ROS1: variants seen among roughly 807,000 people sequenced by gnomAD.
ROS1 encodes the protein proto-oncogene tyrosine-protein kinase ROS.
A neutral mutation model predicts 273.5 loss-of-function variants in ROS1; 263 were observed. The observed-to-expected ratio is 0.96, with a 90% CI of 0.87 to 1.06. The LOEUF is 1.06. Ranked by LOEUF, ROS1 falls within the 50% of genes least tolerant of loss-of-function variation. The probability of loss-of-function intolerance (pLI) is 0.00; values close to 1 mark genes in which losing one functional copy is unlikely to be tolerated. For missense variants in ROS1, 2,833 were observed against 2,751.1 expected (o/e 1.03, Z -0.67); for synonymous variants, 1,008 against 954.1 (o/e 1.06, Z -1.04).
At chr6:117,307,581 T>G (rs1775201374) in intron 42 of ROS1, among the ~76,000 whole-genome samples, 1 of 152,158 alleles carries the variant, frequency 6.6e-6, no homozygotes, top group African/African-American at 2.4e-5. Flanking sequence ...CCCCCCAAAA[T>G]GATTATGAAT....
At chr6:117,371,038 G>T (rs1395066679) in intron 18 of ROS1, among the ~76,000 whole-genome samples, 1 of 152,210 alleles carries the variant, frequency 6.6e-6, no homozygotes, top group Admixed American at 6.5e-5. Flanking sequence ...CACTTTAAAT[G>T]TAAAGACTCA....
chr6:117,301,457 G>T (rs947335947), intron 42 of ROS1: 1 of 198,028 alleles, frequency 5.0e-6, no homozygotes, highest in Non-Finnish European at 1.0e-5. Flanking sequence ...TCCTGTGAGG[G>T]TGATCTGGCT....
intron 35 of ROS1, among the ~76,000 whole-genome samples, chr6:117,323,127 G>A (rs1250478364): frequency 6.6e-6 from 1 of 152,134 alleles, no homozygotes; most frequent in Non-Finnish European, 1.5e-5. Context: ...AACATCAGCT[G>A]TGCAATACTT....
Position 117,356,622 on chromosome 6 carries a change from A to T in ROS1, c.4126+7T>A, listed in dbSNP as rs201671881. ...CAAATATCTGTGCACATACATCAGC[A>T]TCTTACCGAGCATAGCAGGTACTGT... On this transcript the variant is annotated splice_region_variant and intron_variant, in intron 26 of 43. Transcript: ENST00000368507. 1.4e-5 allele frequency: 22 copies of T among 1,606,482 alleles called. No individual in the cohort carries two copies. The East Asian group carries it at 4.0e-4, about 29-fold the overall frequency.
chr6:117,350,026 G>C (rs957652316), intron 27 of ROS1, among the ~76,000 whole-genome samples: 2 of 151,516 alleles, frequency 1.3e-5, no homozygotes, highest in African/African-American at 4.9e-5. Context: ...TTATCCATTA[G>C]GTCAGTTAAG....
At chr6:117,324,477 T>G in intron 34 of ROS1, 62 bp from the exon 35 acceptor site, 1 of 774,960 alleles carries the variant, frequency 1.3e-6, no homozygotes, top group East Asian at 2.7e-5. Flanking sequence ...GCCCCAGCTC[T>G]ACCTAAGCAC....
At chr6:117,294,620 A>G (rs1011940769) in intron 43 of ROS1, among the ~76,000 whole-genome samples, 3 of 152,204 alleles carry the variant, frequency 2.0e-5, no homozygotes, top group Non-Finnish European at 4.4e-5. Flanking sequence ...AAGTTTCAGG[A>G]TACAAAATTA....
At chr6:117,321,207 T>C (rs2128562962) in intron 36 of ROS1, 52 bp downstream of exon 36, 2 of 1,591,576 alleles carry the variant, frequency 1.3e-6, no homozygotes, top group Non-Finnish European at 1.7e-6. Context: ...CTCTCCTTAC[T>C]GTTGCCCACC....
chr6:117,387,659 C>T (rs1348115930), intron 14 of ROS1, 121 bp downstream of exon 14: 1 of 956,422 alleles, frequency 1.0e-6, no homozygotes, highest in Non-Finnish European at 1.6e-6. Context: ...CAAACACATA[C>T]TCAAGAGGTC....
In ROS1 at chr6:117,419,750, T is replaced by C. The variant is rs532401115; in HGVS notation, c.124-1244A>G. Among the ~76,000 whole-genome samples the C allele has an allele frequency of 2.6e-5, 4 of 152,298 alleles. No homozygotes were observed. In the East Asian group the frequency reaches 7.7e-4, roughly 29 times the overall value. On this transcript the variant is annotated intron_variant, in intron 1 of 43. Transcript: ENST00000368507. ...GGGTGGATGCTGGGTAGTCTTTGTG[T>C]TCCATTTTAAACAGTAGGAGAGCAG...
chr6:117,399,054 C>T (rs1252158761), intron 7 of ROS1, among the ~76,000 whole-genome samples: 3 of 150,838 alleles, frequency 2.0e-5, no homozygotes, highest in Non-Finnish European at 2.9e-5. Flanking sequence ...AGGCAATTAA[C>T]ACAATACAGA....
chr6:117,404,256 A>G (rs780076590), intron 6 of ROS1, 24 bp downstream of exon 6: 16 of 1,605,422 alleles, frequency 1.0e-5, no homozygotes, highest in African/African-American at 1.3e-5. Flanking sequence ...GTCTGGGTTG[A>G]GGTACAAAGG....
At position 117,366,372 on chromosome 6, in the gene ROS1, G is replaced by A. The variant is rs540478481; in HGVS notation, c.2583-82C>T. On this transcript the variant is annotated intron_variant, in intron 18 of 43. Coordinates refer to ENST00000368507, the MANE Select transcript of ROS1 (RefSeq NM_001378902.1). ...CATGCAAGTAGTCATGAGAATATAT[G>A]TTTGTGAGTATCTGTACGCATTTGT... 129 of 906,004 alleles carry A rather than the reference G, an allele frequency of 1.4e-4. 1 individual carries two copies. In the African/African-American group the frequency reaches 1.9e-3, roughly 13 times the overall value. 56.1% of individuals were successfully genotyped at this position (906,004 alleles called of 1,614,324 possible).
chr6:117,395,399 C>A (rs1410118586), intron 9 of ROS1, among the ~76,000 whole-genome samples: 3 of 152,114 alleles, frequency 2.0e-5, no homozygotes, highest in Admixed American at 2.0e-4. Flanking sequence ...AGTCTAGGAA[C>A]AGCCAAAAAA....
chr6:117,327,498 A>C (rs1459639753), intron 33 of ROS1, among the ~76,000 whole-genome samples: 1 of 152,216 alleles, frequency 6.6e-6, no homozygotes, highest in Non-Finnish European at 1.5e-5. Flanking sequence ...AAGAATTCTG[A>C]TGTTGGTTGA....
intron 42 of ROS1, among the ~76,000 whole-genome samples, chr6:117,302,494 G>T (rs1582556779): frequency 1.3e-5 from 2 of 152,200 alleles, no homozygotes; most frequent in African/African-American, 4.8e-5. Context: ...GCCCCTATTG[G>T]CAATCTGTGA....
intron 37 of ROS1, 94 bp downstream of exon 37, chr6:117,319,774 C>G (rs1170548269): frequency 1.0e-5 from 12 of 1,150,032 alleles, no homozygotes; most frequent in South Asian, 1.6e-5. Flanking sequence ...CTCTTTTCAA[C>G]AAAGAGCACT....
chr6:117,289,557 G>A (rs193273366), intron 43 of ROS1, among the ~76,000 whole-genome samples: 1 of 152,186 alleles, frequency 6.6e-6, no homozygotes, highest in African/African-American at 2.4e-5. Context: ...TTATAAGAAC[G>A]TATGAACTAC....
At chr6:117,339,697 G>A (rs1221455547) in intron 31 of ROS1, among the ~76,000 whole-genome samples, 1 of 152,070 alleles carries the variant, frequency 6.6e-6, no homozygotes, top group African/African-American at 2.4e-5. Context: ...TTTTCTAAAT[G>A]GTCTGCCTGG....
Sources: allele counts gnomAD v4.1 joint callset (sites outside exome capture counted in the v4.1 genomes callset), GRCh38; gene constraint gnomAD v4.1.1; transcripts MANE v1.5; gene names NCBI Gene and HGNC (gene_info 2026-07-23, HGNC 2026-07-21).